SH2D4A: variants seen among roughly 807,000 people sequenced by gnomAD.
SH2D4A encodes SH2 domain-containing protein 4A.
A neutral mutation model predicts 64.7 loss-of-function variants in SH2D4A; 70 were observed. That is an observed-to-expected ratio of 1.08 (90% confidence interval 0.89 to 1.32). The LOEUF (loss-of-function observed/expected upper bound fraction) is 1.32. Among genes scored for constraint, SH2D4A ranks in the 40% most tolerant of loss-of-function variants. The pLI, the probability that SH2D4A is intolerant of heterozygous loss-of-function variation, is 0.00. For synonymous variants in SH2D4A, 268 were observed against 200.7 expected (o/e 1.34, Z -2.83); for missense variants, 706 against 540.1 (o/e 1.31, Z -3.04).
At chr8:19,327,656 C>G (rs2052301946) in intron 2 of SH2D4A, among the ~76,000 whole-genome samples, 1 of 152,148 alleles carries the variant, frequency 6.6e-6, no homozygotes, top group African/African-American at 2.4e-5. Context: ...CCTGTGTTTC[C>G]CCCATTTAAA....
At chr8:19,362,160 C>G (rs1157477325) in intron 6 of SH2D4A, among the ~76,000 whole-genome samples, 6 of 152,302 alleles carry the variant, frequency 3.9e-5, no homozygotes, top group African/African-American at 1.2e-4. Context: ...GATCTGCAGT[C>G]CCATTACAAC....
At chr8:19,320,645 A>G (rs74952388) in intron 2 of SH2D4A, among the ~76,000 whole-genome samples, 1 of 149,994 alleles carries the variant, frequency 6.7e-6, no homozygotes, top group East Asian at 1.9e-4. Flanking sequence ...AAAAAAAAAA[A>G]AGACTTAAAG....
At position 19,394,569 on chromosome 8, in the gene SH2D4A, T is replaced by G; in HGVS notation, c.1292T>G (p.Leu431Arg). The G allele has an allele frequency of 6.2e-7, 1 of 1,608,134 alleles. No individual in the cohort carries two copies. The highest frequency in any genetic ancestry group is 8.5e-7 in the Non-Finnish European group (1 of 1,176,788). ...EYHKEEPITS[L>R]GKELLLYPCG... The stretch of plus-strand genomic sequence containing the variant: ...TGACAGGAGGAACCCATCACTTCCC[T>G]GGGGAAGGAGCTCCTTCTCTATCCC... Residue 431 changes from leucine to arginine, a missense_variant, in exon 10 of 10, where the codon CTG becomes CGG. By Grantham distance (102) the Leu-to-Arg change is moderately radical. Transcript: ENST00000265807.
chr8:19,348,795 A>G (rs1335449449), intron 4 of SH2D4A, among the ~76,000 whole-genome samples: 6 of 152,212 alleles, frequency 3.9e-5, no homozygotes, highest in Non-Finnish European at 5.9e-5. Flanking sequence ...AAGGTGATTT[A>G]AGCGGAGGTG....
intron 2 of SH2D4A, among the ~76,000 whole-genome samples, chr8:19,322,937 A>G (rs1040534760): frequency 6.6e-6 from 1 of 152,052 alleles, no homozygotes; most frequent in Non-Finnish European, 1.5e-5. Context: ...CGCCTCCCAA[A>G]GTGCTGGGAT....
At chr8:19,371,443 T>C (rs1044020085) in intron 7 of SH2D4A, among the ~76,000 whole-genome samples, 7 of 152,130 alleles carry the variant, frequency 4.6e-5, no homozygotes, top group African/African-American at 1.7e-4. Flanking sequence ...GCTGGGTGTA[T>C]TGGATCTGTC....
chr8:19,392,340 A>G (rs1004605721), intron 8 of SH2D4A, among the ~76,000 whole-genome samples: 1 of 152,164 alleles, frequency 6.6e-6, no homozygotes, highest in Non-Finnish European at 1.5e-5. Flanking sequence ...CTGTCACTAA[A>G]TTACTGAGCC....
At position 19,382,692 on chromosome 8, in the gene SH2D4A, G is replaced by T. The variant is rs553822128; in HGVS notation, c.1048+9032G>T. Among the ~76,000 whole-genome samples the T allele has an allele frequency of 2.6e-5, 4 of 152,172 alleles. No individual in the cohort carries two copies. The South Asian group carries it at 8.3e-4, about 32-fold the overall frequency. ...ATGTACTGCCATCATAAGTTGAGGAGCATCTTTATTGGCCCACTGCTGTCT... is the reference window on the plus strand; with the variant it reads ...ATGTACTGCCATCATAAGTTGAGGATCATCTTTATTGGCCCACTGCTGTCT... On this transcript the variant is annotated intron_variant, in intron 8 of 9. Transcript: ENST00000265807.
At chr8:19,358,722 T>TGTG (rs1438037901) in intron 5 of SH2D4A, among the ~76,000 whole-genome samples, 1 of 152,182 alleles carries the variant, frequency 6.6e-6, no homozygotes, top group Non-Finnish European at 1.5e-5. Flanking sequence ...TGGGGACACT[T>TGTG]GTGAGGCTCT....
intron 8 of SH2D4A, among the ~76,000 whole-genome samples, chr8:19,380,210 G>C (rs538867004): frequency 1.1e-4 from 16 of 152,104 alleles, no homozygotes; most frequent in Non-Finnish European, 2.4e-4. Flanking sequence ...TCTTTGCCCA[G>C]TTTTGGATTG....
At chr8:19,324,203 C>T (rs899190876) in intron 2 of SH2D4A, among the ~76,000 whole-genome samples, 9 of 152,144 alleles carry the variant, frequency 5.9e-5, no homozygotes, top group African/African-American at 9.7e-5. Context: ...CGCTTAGCAG[C>T]GTGTTTCCCA....
At chr8:19,388,039 C>CT (rs2053420460) in intron 8 of SH2D4A, among the ~76,000 whole-genome samples, 1 of 152,160 alleles carries the variant, frequency 6.6e-6, no homozygotes, top group African/African-American at 2.4e-5. Flanking sequence ...TCAAGGCATA[C>CT]TACACATACG....
intron 8 of SH2D4A, among the ~76,000 whole-genome samples, chr8:19,385,969 A>G (rs1370576568): frequency 6.6e-6 from 1 of 152,168 alleles, no homozygotes; most frequent in Non-Finnish European, 1.5e-5. Flanking sequence ...TGATTTCTCA[A>G]AGCCTTTTTG....
At chr8:19,320,085 G>T (rs1183334646) in intron 2 of SH2D4A, among the ~76,000 whole-genome samples, 2 of 152,140 alleles carry the variant, frequency 1.3e-5, no homozygotes, top group Non-Finnish European at 2.9e-5. Context: ...CAAAGTTCTT[G>T]TGTCAGTATA....
intron 1 of SH2D4A, among the ~76,000 whole-genome samples, chr8:19,318,545 T>A (rs1039038917): frequency 3.3e-5 from 5 of 152,206 alleles, no homozygotes; most frequent in Admixed American, 3.3e-4. Flanking sequence ...AGCCATGCGG[T>A]AAAGTCATAT....
intron 2 of SH2D4A, among the ~76,000 whole-genome samples, chr8:19,323,790 G>C (rs1292355059): frequency 1.3e-5 from 2 of 152,186 alleles, no homozygotes; most frequent in African/African-American, 4.8e-5. Context: ...ACGCTTAACT[G>C]GGTATCAGAC....
chr8:19,386,776 A>T (rs1040098427), intron 8 of SH2D4A, among the ~76,000 whole-genome samples: 28 of 152,186 alleles, frequency 1.8e-4, no homozygotes, highest in Non-Finnish European at 3.5e-4. Flanking sequence ...AACATTTGTT[A>T]TCACATGCTT....
intron 7 of SH2D4A, among the ~76,000 whole-genome samples, chr8:19,364,498 C>G (rs1344714190): frequency 6.6e-6 from 1 of 151,932 alleles, no homozygotes; most frequent in East Asian, 1.9e-4. Flanking sequence ...AGCTGTTATA[C>G]TTAGTATACC....
At chr8:19,329,961 T>C (rs932285777) in intron 2 of SH2D4A, among the ~76,000 whole-genome samples, 1 of 152,228 alleles carries the variant, frequency 6.6e-6, no homozygotes, top group Non-Finnish European at 1.5e-5. Context: ...TCTACCTCAG[T>C]GCCTGACACG....
Sources: allele counts gnomAD v4.1 joint callset (sites outside exome capture counted in the v4.1 genomes callset), GRCh38; gene constraint gnomAD v4.1.1; transcripts MANE v1.5; gene names NCBI Gene and HGNC (gene_info 2026-07-23, HGNC 2026-07-21).